Variants in SNRPB observed in about 807,000 individuals in gnomAD.
SNRPB encodes small nuclear ribonucleoprotein polypeptides B and B1.
A neutral mutation model predicts 26.6 loss-of-function variants in SNRPB; 5 were observed. The observed-to-expected ratio is 0.19, with a 90% CI of 0.10 to 0.39. The LOEUF (loss-of-function observed/expected upper bound fraction) is 0.39, where lower values mean the gene tolerates loss of function less well. Ranked by LOEUF, SNRPB falls within the 10% of genes least tolerant of loss-of-function variation. The pLI, the probability that SNRPB is intolerant of heterozygous loss-of-function variation, is 1.00. For synonymous variants in SNRPB, 122 were observed against 105.8 expected (o/e 1.15, Z -0.94); for missense variants, 211 against 311.9 (o/e 0.68, Z 2.44).
intron 3 of SNRPB, among the ~76,000 whole-genome samples, chr20:2,464,999 A>G (rs983665065): frequency 2.0e-5 from 3 of 152,206 alleles, no homozygotes; most frequent in Non-Finnish European, 4.4e-5. Flanking sequence ...AGACTGTCTG[A>G]GATCAAATGT....
chr20:2,462,508 C>T (rs1263664043), intron 6 of SNRPB, 128 bp downstream of exon 6: 1 of 918,364 alleles, frequency 1.1e-6, no homozygotes, highest in African/African-American at 1.6e-5. Flanking sequence ...CTTCTCTTTC[C>T]TTTCTGGATT....
At chr20:2,470,212 T>G (rs1448353241) in intron 1 of SNRPB, among the ~76,000 whole-genome samples, 3 of 152,032 alleles carry the variant, frequency 2.0e-5, no homozygotes, top group Non-Finnish European at 4.4e-5. Flanking sequence ...TCCTCCGCCC[T>G]CCTCTCCATC....
At chr20:2,468,400 G>A (rs1428644106) in intron 1 of SNRPB, among the ~76,000 whole-genome samples, 3 of 152,182 alleles carry the variant, frequency 2.0e-5, no homozygotes, top group Non-Finnish European at 4.4e-5. Flanking sequence ...GTTCCAATGT[G>A]CTAAAATAAA....
In SNRPB at chr20:2,463,298, T is replaced by A; in HGVS notation, c.421-71A>T. On this transcript the variant is annotated intron_variant, in intron 4 of 6. Transcript: ENST00000381342. The surrounding 1 kb of genome is among the most constrained non-coding windows in gnomAD (Gnocchi z 5.0). ...CAGCTTCCCACTCTCCTCCCCAACTTGGGGAAGGACAGTGGGAAATAACAG... is the reference window on the plus strand; with the variant it reads ...CAGCTTCCCACTCTCCTCCCCAACTAGGGGAAGGACAGTGGGAAATAACAG... 3 of 1,219,796 alleles carry A rather than the reference T, an allele frequency of 2.5e-6. No homozygotes were observed. Among genetic ancestry groups the A allele is most frequent in the Non-Finnish European group, 3.6e-6 (3 of 822,606 alleles). The allele number at this position is 1,219,796 out of a possible 1,614,324, so 75.6% of individuals were successfully genotyped here. A position where few individuals can be genotyped will look rare whatever the true frequency, so the allele number is the denominator to read the frequency against.
At chr20:2,464,398 T>C (rs2085057338) in intron 3 of SNRPB, among the ~76,000 whole-genome samples, 2 of 152,248 alleles carry the variant, frequency 1.3e-5, no homozygotes, top group Non-Finnish European at 2.9e-5. Context: ...AAGTAGGTAC[T>C]AAGAGATTTG....
chr20:2,466,805 T>C (rs1384565786), intron 2 of SNRPB, among the ~76,000 whole-genome samples: 2 of 152,214 alleles, frequency 1.3e-5, no homozygotes, highest in South Asian at 2.1e-4. Context: ...CCCTCTCTAA[T>C]ACGTACCTGG....
In SNRPB at chr20:2,462,673, G is replaced by A. The variant is rs755832870; in HGVS notation, c.648C>T (p.Pro216=). The A allele has an allele frequency of 9.9e-6, 16 of 1,611,566 alleles. No homozygotes were observed. The highest frequency in any genetic ancestry group is 1.3e-5 in the Non-Finnish European group (15 of 1,178,004). ...PPGRGTPMGM[P]PPGMRPPPPG... is the part of the protein sequence containing the mutation. ...GGGGAGGAGGCCGCATTCCCGGAGG[G>A]GGCATGCCCATTGGAGTCCCTCTTC... The change falls in exon 6 of 7, where the codon CCC becomes CCT. Residue 216 remains proline (P), a synonymous_variant. Transcript: ENST00000381342.
At chr20:2,462,825 T>C in intron 5 of SNRPB, 64 bp from the exon 6 acceptor site, 1 of 1,370,104 alleles carries the variant, frequency 7.3e-7, no homozygotes, top group Admixed American at 2.4e-5. Flanking sequence ...GCAAAAAAAC[T>C]ACAAAGCTTT....
chr20:2,467,566 TC>T (rs766032308), intron 2 of SNRPB, 40 bp downstream of exon 2: 4 of 1,596,924 alleles, frequency 2.5e-6, no homozygotes, highest in Non-Finnish European at 2.6e-6. Flanking sequence ...CTCAATCCAT[TC>T]CCATCCTCCA....
rs141463720 is a variant in SNRPB, at chr20:2,470,727, C to T, written c.-37G>A. 2.8e-4 allele frequency: 447 copies of T among 1,611,892 alleles called. No individual in the cohort carries two copies. The African/African-American group carries it at 5.1e-3, about 18-fold the overall frequency. On this transcript the variant is annotated 5_prime_UTR_variant, in exon 1 of 7. Transcript: ENST00000381342. Reference sequence around the variant, plus strand: ...TGATGGCTCTGATACCCGCCGGATTCGCCTCCTCAGAGGCCTAGCCTCTCT... The same window carrying T: ...TGATGGCTCTGATACCCGCCGGATTTGCCTCCTCAGAGGCCTAGCCTCTCT...
chr20:2,462,594 G>A (rs748716828), intron 6 of SNRPB, 42 bp downstream of exon 6: 37 of 1,579,974 alleles, frequency 2.3e-5, no homozygotes, highest in Non-Finnish European at 3.0e-5. Context: ...ATCCCACTAG[G>A]CTCTAGGGAA....
At chr20:2,466,581 G>A (rs1394527455) in intron 2 of SNRPB, among the ~76,000 whole-genome samples, 1 of 152,156 alleles carries the variant, frequency 6.6e-6, no homozygotes, top group Admixed American at 6.5e-5. Flanking sequence ...TTAACTGGTT[G>A]TCTGTGGATG....
At chr20:2,466,470 T>G (rs2085074341) in intron 2 of SNRPB, among the ~76,000 whole-genome samples, 1 of 151,918 alleles carries the variant, frequency 6.6e-6, no homozygotes, top group Non-Finnish European at 1.5e-5. Flanking sequence ...GATAGGAAAG[T>G]GGGGAAAAAA....
chr20:2,462,103 T>C (rs1364876861), intron 6 of SNRPB, among the ~76,000 whole-genome samples, 164 bp from the exon 7 acceptor site: 1 of 152,108 alleles, frequency 6.6e-6, no homozygotes, highest in East Asian at 1.9e-4. Flanking sequence ...CCTATGTCTA[T>C]AAAAACCCAT....
At chr20:2,468,292 A>G (rs997888975) in intron 1 of SNRPB, among the ~76,000 whole-genome samples, 6 of 152,222 alleles carry the variant, frequency 3.9e-5, no homozygotes, top group Non-Finnish European at 7.3e-5. Flanking sequence ...CTCCAAGACT[A>G]TATTTGGCAG....
intron 3 of SNRPB, 119 bp downstream of exon 3, chr20:2,465,589 G>A: frequency 1.4e-6 from 1 of 702,318 alleles, no homozygotes; most frequent in South Asian, 1.8e-5. Flanking sequence ...TTTATTATCT[G>A]AAAAAGGGGG....
At position 2,465,642 on chromosome 20, in the gene SNRPB, T is replaced by C. The variant is rs1189110389; in HGVS notation, c.267+66A>G. 2.3e-5 allele frequency: 25 copies of C among 1,087,390 alleles called. No homozygotes were observed. The South Asian group carries it at 3.2e-4, about 14-fold the overall frequency. 67.4% of individuals were successfully genotyped at this position (1,087,390 alleles called of 1,614,324 possible). A position where few individuals can be genotyped will look rare whatever the true frequency, so the allele number is the denominator to read the frequency against. On this transcript the variant is annotated intron_variant, in intron 3 of 6. Coordinates refer to ENST00000381342, the MANE Select transcript of SNRPB (RefSeq NM_003091.4). ...CTGTGAGAACTGCAATGAAACAGAATCTAACACAGAGCCTGGCTCACAGTA... is the reference window on the plus strand; with the variant it reads ...CTGTGAGAACTGCAATGAAACAGAACCTAACACAGAGCCTGGCTCACAGTA...
At chr20:2,465,965 C>G in intron 2 of SNRPB, 146 bp from the exon 3 acceptor site, 1 of 629,396 alleles carries the variant, frequency 1.6e-6, no homozygotes, top group Non-Finnish European at 2.8e-6. Context: ...ATAGTCTCTA[C>G]AGGCTGAACA....
rs142415016 is a variant in SNRPB, at chr20:2,462,020, C to A, written c.686-81G>T. 414 of 986,446 alleles carry A rather than the reference C, an allele frequency of 4.2e-4. 1 individual carries two copies. In the East Asian group the frequency reaches 9.0e-3, roughly 21 times the overall value. The allele number at this position is 986,446 out of a possible 1,614,324, so 61.1% of individuals were successfully genotyped here. A position where few individuals can be genotyped will look rare whatever the true frequency, so the allele number is the denominator to read the frequency against. On this transcript the variant is annotated intron_variant, in intron 6 of 6. Coordinates refer to ENST00000381342, the MANE Select transcript of SNRPB (RefSeq NM_003091.4). ...CCCTGCCCCAGCCTCCCACGCCCTG[C>A]AGTAATCGAGTGAGGAGAGGGGTAT...
Sources: allele counts gnomAD v4.1 joint callset (sites outside exome capture counted in the v4.1 genomes callset), GRCh38; gene constraint gnomAD v4.1.1; non-coding constraint Gnocchi (gnomAD v3.1); transcripts MANE v1.5; gene names NCBI Gene and HGNC (gene_info 2026-07-23, HGNC 2026-07-21).